The following SPOCK3 variants were observed in gnomAD, a reference collection of about 807,000 sequenced individuals.
The protein encoded by SPOCK3 is SPARC (osteonectin), cwcv and kazal like domains proteoglycan 3, also known as testican-3.
Under a neutral mutation model 56.6 loss-of-function variants are expected in SPOCK3, and 30 were observed. That is an observed-to-expected ratio of 0.53 (90% confidence interval 0.40 to 0.72). SPOCK3 has a LOEUF of 0.72. Ranked by LOEUF, SPOCK3 falls within the 30% of genes least tolerant of loss-of-function variation. The pLI, the probability that SPOCK3 is intolerant of heterozygous loss-of-function variation, is 0.00. For synonymous variants in SPOCK3, 196 were observed against 183.3 expected, an observed-to-expected ratio of 1.07 and a Z score of -0.56; for missense variants, 527 against 530.0, an observed-to-expected ratio of 0.99 and a Z score of 0.06.
intron 2 of SPOCK3, among the ~76,000 whole-genome samples, chr4:167,223,748 G>C (rs184171110): frequency 2.4e-4 from 37 of 152,194 alleles, no homozygotes; most frequent in Admixed American, 1.1e-3. Context: ...CTAGGAGTTC[G>C]AGACCAGCTT....
chr4:167,153,717 G>T (rs1034116003), intron 2 of SPOCK3, among the ~76,000 whole-genome samples: 1 of 152,166 alleles, frequency 6.6e-6, no homozygotes, highest in Admixed American at 6.5e-5. Context: ...CATGTTAGAT[G>T]TCTATTAAAC....
intron 9 of SPOCK3, among the ~76,000 whole-genome samples, chr4:166,740,508 A>C (rs984684091): frequency 2.5e-5 from 2 of 79,132 alleles, no homozygotes; most frequent in Admixed American, 1.2e-4. Flanking sequence ...TATTATTATT[A>C]TTATTATTAT....
At chr4:166,915,144 C>G (rs943795921) in intron 4 of SPOCK3, among the ~76,000 whole-genome samples, 1 of 151,932 alleles carries the variant, frequency 6.6e-6, no homozygotes, top group Non-Finnish European at 1.5e-5. Context: ...ATCACCTGTC[C>G]ACCTATATGT....
chr4:166,847,012 A>G (rs2126855862), intron 6 of SPOCK3, among the ~76,000 whole-genome samples: 1 of 152,250 alleles, frequency 6.6e-6, no homozygotes, highest in Middle Eastern at 3.4e-3. Context: ...CTTTTGACAA[A>G]AGTAAAATGC....
rs1388500494 is a variant in SPOCK3 at position 166,733,396 on chromosome 4, A to G, written c.*1525T>C. On this transcript the variant is annotated 3_prime_UTR_variant, in exon 11 of 11. Transcript: ENST00000357545. ...AGGAACAGTTCAATTTGGTTACAAG[A>G]TTCTTTATTTTGTAAACTATACATA... 6.6e-6 allele frequency: 1 copy of G among 151,862 alleles called. No homozygotes were observed. 9.4% of individuals were successfully genotyped at this position (151,862 alleles called of 1,614,324 possible).
intron 2 of SPOCK3, among the ~76,000 whole-genome samples, chr4:167,210,904 C>T (rs1259391178): frequency 1.3e-5 from 2 of 152,094 alleles, no homozygotes; most frequent in African/African-American, 4.8e-5. Flanking sequence ...ATTGCATAGA[C>T]ACTTCTGATT....
At chr4:166,990,757 AT>A (rs2150110735) in intron 4 of SPOCK3, among the ~76,000 whole-genome samples, 1 of 152,186 alleles carries the variant, frequency 6.6e-6, no homozygotes, top group South Asian at 2.1e-4. Context: ...AATAAAATGA[AT>A]TTATTAATGA....
chr4:167,222,484 A>G (rs1051248179), intron 2 of SPOCK3, among the ~76,000 whole-genome samples: 5 of 133,734 alleles, frequency 3.7e-5, no homozygotes, highest in Non-Finnish European at 8.2e-5. Flanking sequence ...ATATAAACAT[A>G]TATATTACAT....
At chr4:166,935,190 A>G (rs1740267542) in intron 4 of SPOCK3, among the ~76,000 whole-genome samples, 2 of 152,172 alleles carry the variant, frequency 1.3e-5, no homozygotes, top group African/African-American at 2.4e-5. Flanking sequence ...TGCCAAGAAC[A>G]GGCCCTGACT....
chr4:166,982,720 A>T (rs1028486494), intron 4 of SPOCK3, among the ~76,000 whole-genome samples: 11 of 152,316 alleles, frequency 7.2e-5, no homozygotes, highest in South Asian at 6.2e-4. Context: ...CATTGAAAAG[A>T]ACTATACCTT....
At chr4:166,800,720 TAA>T (rs1344506093) in intron 6 of SPOCK3, among the ~76,000 whole-genome samples, 3 of 152,120 alleles carry the variant, frequency 2.0e-5, no homozygotes, top group African/African-American at 4.8e-5. Flanking sequence ...TTAAAAAAAT[TAA>T]AAGTTTATAA....
chr4:166,908,526 GCACACA>G (rs377518404), intron 5 of SPOCK3, among the ~76,000 whole-genome samples: 3,354 of 136,094 alleles, frequency 0.025, 36 homozygotes, highest in Middle Eastern at 0.072. Context: ...TCAAAACCAT[GCACACA>G]CACACACACA....
intron 2 of SPOCK3, among the ~76,000 whole-genome samples, chr4:167,151,441 T>C (rs1407556490): frequency 4.0e-5 from 6 of 148,970 alleles, no homozygotes; most frequent in African/African-American, 9.9e-5. Context: ...TTTTCTTTTT[T>C]TTTTTTTTTT....
intron 2 of SPOCK3, among the ~76,000 whole-genome samples, chr4:167,134,271 G>A (rs184067667): frequency 2.0e-5 from 3 of 151,630 alleles, no homozygotes; most frequent in African/African-American, 4.8e-5. Context: ...GACTACAGGC[G>A]ATCTGCCTGC....
chr4:166,995,022 T>C (rs193134738), intron 4 of SPOCK3, among the ~76,000 whole-genome samples: 3 of 152,270 alleles, frequency 2.0e-5, no homozygotes, highest in Admixed American at 2.0e-4. Context: ...GTCTCATTTA[T>C]ATAACATACT....
chr4:167,005,917 C>T (rs1388738546), intron 3 of SPOCK3, among the ~76,000 whole-genome samples: 3 of 152,058 alleles, frequency 2.0e-5, no homozygotes, highest in African/African-American at 7.2e-5. Context: ...TGGTATGCTG[C>T]AGAATTATAA....
At chr4:166,785,593 T>C (rs1175885711) in intron 7 of SPOCK3, among the ~76,000 whole-genome samples, 2 of 152,196 alleles carry the variant, frequency 1.3e-5, no homozygotes, top group Non-Finnish European at 2.9e-5. Context: ...TGTTAACTAA[T>C]GCAAAATATA....
chr4:167,002,222 G>A (rs1749016107), intron 3 of SPOCK3, among the ~76,000 whole-genome samples: 1 of 152,028 alleles, frequency 6.6e-6, no homozygotes, highest in Non-Finnish European at 1.5e-5. Context: ...GCCTCCCAAG[G>A]TGCTGGGATT....
chr4:166,778,088 G>T (rs1403751627), intron 7 of SPOCK3, among the ~76,000 whole-genome samples: 1 of 152,080 alleles, frequency 6.6e-6, no homozygotes, highest in South Asian at 2.1e-4. Flanking sequence ...AGGCCTACAA[G>T]ACATGTCATA....
Sources: allele counts gnomAD v4.1 joint callset (sites outside exome capture counted in the v4.1 genomes callset), GRCh38; gene constraint gnomAD v4.1.1; transcripts MANE v1.5; gene names NCBI Gene and HGNC (gene_info 2026-07-23, HGNC 2026-07-21).